The following SCN11A variants were observed in gnomAD, a reference collection of about 807,000 sequenced individuals.
SCN11A encodes the protein sodium voltage-gated channel alpha subunit 11, also known as sodium channel protein type 11 subunit alpha.
In SCN11A, 122 loss-of-function variants were observed where a neutral mutation model predicts 162.2. The ratio of observed to expected loss-of-function variants is 0.75; its 90% confidence interval spans 0.65 to 0.87. The LOEUF (loss-of-function observed/expected upper bound fraction) is 0.87, where lower values mean the gene tolerates loss of function less well. Ranked by LOEUF, SCN11A falls within the 40% of genes least tolerant of loss-of-function variation. The pLI is 0.00. For synonymous variants in SCN11A, 758 were observed against 751.5 expected, an observed-to-expected ratio of 1.01 and a Z score of -0.14; for missense variants, 2,015 against 2,181.6, an observed-to-expected ratio of 0.92 and a Z score of 1.52.
At chr3:38,853,943 A>G (rs1381122304) in intron 28 of SCN11A, among the ~76,000 whole-genome samples, 1 of 152,182 alleles carries the variant, frequency 6.6e-6, no homozygotes, top group African/African-American at 2.4e-5. Flanking sequence ...CCTGGATGCT[A>G]CTTCTATCTT....
rs139992254 is a variant in SCN11A, at chr3:38,964,758, G to C, written c.-279-4335C>G. The stretch of plus-strand genomic sequence containing the variant: ...TATTGCCAAAAGGAGGAGCATGGAA[G>C]AAGAGGAGGCAAAGTTGAAGGGATG... On this transcript the variant is annotated intron_variant, in intron 2 of 29. Coordinates refer to ENST00000302328, the MANE Select transcript of SCN11A (RefSeq NM_001349253.2). Among the ~76,000 whole-genome samples, 276 of 152,352 alleles carry C rather than the reference G, an allele frequency of 1.8e-3. 1 individual carries two copies. Among genetic ancestry groups the C allele is most frequent in the Admixed American group, 3.2e-3 (49 of 15,302 alleles).
intron 7 of SCN11A, among the ~76,000 whole-genome samples, chr3:38,938,004 G>A (rs2125565196): frequency 6.6e-6 from 1 of 152,220 alleles, no homozygotes; most frequent in South Asian, 2.1e-4. Context: ...TGATAGACTG[G>A]ATTAAGAAAA....
chr3:38,851,184 T>C (rs1031568777), intron 28 of SCN11A, among the ~76,000 whole-genome samples: 1 of 152,194 alleles, frequency 6.6e-6, no homozygotes, highest in African/African-American at 2.4e-5. Context: ...CTCACATAAG[T>C]ATGTTGGACA....
chr3:38,975,876 T>A (rs1269938271), intron 2 of SCN11A, among the ~76,000 whole-genome samples: 3 of 152,110 alleles, frequency 2.0e-5, no homozygotes, highest in Non-Finnish European at 4.4e-5. Context: ...TTTGGGAAGA[T>A]GAAAAAGCTC....
rs562102099 is a variant in SCN11A, at chr3:38,852,752, GA to G, written c.4057-2002del. The stretch of plus-strand genomic sequence containing the variant: ...AGCTAATATTTGGATTTTAGAGATG[GA>G]AAAAAAATCTCTGGGGAGATAAAGT... On this transcript the variant is annotated intron_variant, in intron 28 of 29. Transcript: ENST00000302328. Among the ~76,000 whole-genome samples, 160 of 152,096 alleles carry G rather than the reference GA, an allele frequency of 1.1e-3. 1 individual carries two copies. Among genetic ancestry groups the G allele is most frequent in the African/African-American group, 3.6e-3 (151 of 41,530 alleles).
chr3:38,931,811 A>C (rs1306743535), intron 7 of SCN11A, among the ~76,000 whole-genome samples: 2 of 152,180 alleles, frequency 1.3e-5, no homozygotes, highest in Non-Finnish European at 2.9e-5. Flanking sequence ...CTCTGCGCCC[A>C]AGTCCCTCAA....
intron 2 of SCN11A, among the ~76,000 whole-genome samples, chr3:39,010,189 T>A (rs118002118): frequency 1.3e-5 from 2 of 151,948 alleles, no homozygotes; most frequent in Non-Finnish European, 2.9e-5. Flanking sequence ...TTTAGAGATA[T>A]GAAAATAAAT....
intron 9 of SCN11A, among the ~76,000 whole-genome samples, chr3:38,922,264 T>C (rs1026220050): frequency 6.6e-6 from 1 of 152,214 alleles, no homozygotes; most frequent in South Asian, 2.1e-4. Context: ...TAACACCAGA[T>C]AGCAGGAACC....
rs925957186 is a variant in SCN11A at position 39,020,302 on chromosome 3, C to T, written c.-280+12078G>A. Among the ~76,000 whole-genome samples the T allele has an allele frequency of 5.2e-4, 79 of 152,338 alleles. 1 individual carries two copies. Among genetic ancestry groups the T allele is most frequent in the African/African-American group, 1.9e-3 (78 of 41,570 alleles). ...ACTTGAAAGAATAAAAAAGGATGTT[C>T]TCAATAGGTGTGGTCAATGTTGCAA... On this transcript the variant is annotated intron_variant, in intron 2 of 29. Transcript: ENST00000302328.
At chr3:39,009,843 A>ATTT (rs60263866) in intron 2 of SCN11A, among the ~76,000 whole-genome samples, 1,662 of 115,284 alleles carry the variant, frequency 0.014, 37 homozygotes, top group Middle Eastern at 0.034. Flanking sequence ...CGCTCAGCTA[A>ATTT]TTTTTTTTTT....
Position 38,921,121 on chromosome 3 carries a change from A to G in SCN11A, c.847T>C (p.Cys283Arg). ...QLFMGSLNLK[C>R]ISRDCKNISN... ...ATATTTTTACAGTCCCTCGAGATGC[A>G]TTTCAGGTTCAGACTTCCCATGAAG... Residue 283 changes from cysteine (C) to arginine (R), a missense_variant, in exon 10 of 30, where the codon TGC (cysteine) becomes CGC (arginine). Coordinates refer to ENST00000302328, the MANE Select transcript of SCN11A (RefSeq NM_001349253.2). 6.2e-7 allele frequency: 1 copy of G among 1,614,130 alleles called. No homozygotes were observed. The highest frequency in any genetic ancestry group is 8.5e-7 in the Non-Finnish European group (1 of 1,179,968).
At chr3:38,954,500 G>A (rs1432464922) in intron 3 of SCN11A, among the ~76,000 whole-genome samples, 1 of 152,086 alleles carries the variant, frequency 6.6e-6, no homozygotes, top group Non-Finnish European at 1.5e-5. Context: ...CTTTCACCCT[G>A]CCATTTTGAC....
chr3:38,910,195 T>C lies in SCN11A; in HGVS notation c.972A>G (p.Ile324Met). 6.2e-7 allele frequency: 1 copy of C among 1,612,904 alleles called. No individual in the cohort carries two copies. Among genetic ancestry groups the C allele is most frequent in the Non-Finnish European group, 8.5e-7 (1 of 1,179,274 alleles). The change falls in exon 12 of 30, where the codon ATA (isoleucine) becomes ATG (methionine). Residue 324 changes from isoleucine (I) to methionine (M), a missense_variant. Coordinates refer to ENST00000302328, the MANE Select transcript of SCN11A (RefSeq NM_001349253.2). ...GIWMGNSACS[I>M]QYECKHTKIN... The stretch of plus-strand genomic sequence containing the variant: ...TTTTGGTGTGCTTACATTCATATTG[T>C]ATGGAACAGGCACTAGATATTGGAA...
intron 2 of SCN11A, among the ~76,000 whole-genome samples, chr3:38,995,656 A>G (rs541091590): frequency 6.6e-6 from 1 of 152,278 alleles, no homozygotes; most frequent in African/African-American, 2.4e-5. Flanking sequence ...TAGAATTTAC[A>G]GCACTGGCTC....
chr3:38,877,760 A>G (rs576933899), intron 23 of SCN11A, among the ~76,000 whole-genome samples: 2 of 139,522 alleles, frequency 1.4e-5, no homozygotes, highest in African/African-American at 5.5e-5. Context: ...TACTATATAT[A>G]TGGTATATAT....
chr3:39,041,670 C>T (rs1358527153), intron 1 of SCN11A, among the ~76,000 whole-genome samples: 1 of 152,144 alleles, frequency 6.6e-6, no homozygotes, highest in African/African-American at 2.4e-5. Flanking sequence ...AAATTCATCA[C>T]CCTAGACCAT....
intron 19 of SCN11A, among the ~76,000 whole-genome samples, chr3:38,893,795 AATAAG>A (rs926178405): frequency 6.6e-6 from 1 of 151,936 alleles, no homozygotes; most frequent in African/African-American, 2.4e-5. Flanking sequence ...AGAATTAGAA[AATAAG>A]ATAAAATAAA....
intron 7 of SCN11A, among the ~76,000 whole-genome samples, chr3:38,933,397 A>G (rs2066276918): frequency 6.6e-6 from 1 of 152,246 alleles, no homozygotes; most frequent in Admixed American, 6.5e-5. Context: ...GAGTTGAGAG[A>G]AGAAGGCTTC....
intron 2 of SCN11A, among the ~76,000 whole-genome samples, chr3:38,965,963 G>A (rs2066779150): frequency 6.6e-6 from 1 of 151,650 alleles, no homozygotes; most frequent in Non-Finnish European, 1.5e-5. Context: ...TTAGGTGACA[G>A]AACAAGACCC....
Sources: gnomAD v4.1 joint callset for allele counts (sites outside exome capture counted in the v4.1 genomes callset) on GRCh38, gnomAD v4.1.1 for gene constraint, MANE v1.5 for transcripts, NCBI Gene and HGNC (gene_info 2026-07-23, HGNC 2026-07-21) for gene names.